Variants in NUP210 observed in about 807,000 individuals in gnomAD.
NUP210 encodes the protein nucleoporin 210.
NUP210 carries 151 observed loss-of-function variants against 196.0 expected under a neutral mutation model. The ratio of observed to expected loss-of-function variants is 0.77; its 90% CI spans 0.67 to 0.88. NUP210 has a LOEUF of 0.88. NUP210 is among the 40% of genes least tolerant of loss of function. The pLI is 0.00. For missense variants in NUP210, 2,314 were observed against 2,493.7 expected (o/e 0.93, Z 1.53); for synonymous variants, 1,070 against 1,052.7 (o/e 1.02, Z -0.32).
chr3:13,326,177 A>G (rs1469788758), intron 32 of NUP210, among the ~76,000 whole-genome samples: 1 of 152,222 alleles, frequency 6.6e-6, no homozygotes, highest in Non-Finnish European at 1.5e-5. Context: ...TGTGGCCCCT[A>G]GCACCTGCTC....
chr3:13,420,148 T>A lies in NUP210; in HGVS notation c.79A>T (p.Lys27Ter). ...AGCAGCACTTTGGGGATGTTGAGCT[T>A]GGCCGCAGCGGCGGAGGGGCCCGCC... Reference protein sequence around the residue: ...LAAGPSAAAAKLNIPKVLLPF... With the variant: ...LAAGPSAAAA The change falls in exon 1 of 40, where the codon AAG (lysine) becomes TAG (stop). Residue 27 changes from lysine (K) to a stop codon, truncating the protein, a stop_gained. Coordinates refer to ENST00000254508, the MANE Select transcript of NUP210 (RefSeq NM_024923.4). LOFTEE classifies it high-confidence loss of function. This position sits in a 1 kb window ranked among gnomAD's most constrained non-coding sequence, Gnocchi z 4.8. The A allele has an allele frequency of 7.6e-7, 1 of 1,315,950 alleles. No homozygotes were observed. Among genetic ancestry groups the A allele is most frequent in the Non-Finnish European group, 9.9e-7 (1 of 1,013,312 alleles). The allele number at this position is 1,315,950 out of a possible 1,614,324, so 81.5% of individuals were successfully genotyped here. A position where few individuals can be genotyped will look rare whatever the true frequency, so the allele number is the denominator to read the frequency against.
At chr3:13,397,605 C>T in intron 2 of NUP210, 117 bp from the exon 3 acceptor site, 2 of 1,144,288 alleles carry the variant, frequency 1.7e-6, no homozygotes, top group Non-Finnish European at 2.3e-6. Context: ...GCTTCACCCT[C>T]AGAAGCCAAG....
chr3:13,378,848 TTTTTTAAACTC>T, intron 8 of NUP210, 53 bp downstream of exon 8: 1 of 1,226,182 alleles, frequency 8.2e-7, no homozygotes, highest in Admixed American at 1.7e-5. Flanking sequence ...TTCTTTTCTA[TTTTTTAAACTC>T]ATATAGTCAC....
At chr3:13,365,846 G>A in intron 14 of NUP210, 100 bp downstream of exon 14, 1 of 1,296,650 alleles carries the variant, frequency 7.7e-7, no homozygotes. Context: ...CTATTTTGAA[G>A]GAATCGGGTT....
At position 13,375,574 on chromosome 3, in the gene NUP210, A is replaced by C. The variant is rs1698873283; in HGVS notation, c.1361T>G (p.Ile454Ser). 6.2e-7 allele frequency: 1 copy of C among 1,614,128 alleles called. No individual in the cohort carries two copies. Among genetic ancestry groups the C allele is most frequent in the East Asian group, 2.2e-5 (1 of 44,884 alleles). Residue 454 changes from isoleucine to serine, a missense_variant, in exon 11 of 40, where the codon ATC (isoleucine) becomes AGC (serine). Transcript: ENST00000254508. ...TGTCAAGATGCTGGGATACAGGGTG[A>C]TCGGGATGTGAATTTCCACCTCCTG... Reference protein sequence around the residue: ...NQQEVEIHIPITLYPSILTFP... With the variant: ...NQQEVEIHIPSTLYPSILTFP...
chr3:13,322,089 T>C, intron 35 of NUP210, 104 bp downstream of exon 35: 1 of 1,412,230 alleles, frequency 7.1e-7, no homozygotes, highest in East Asian at 2.3e-5. Context: ...ATCTCTGCCC[T>C]CTGGACAGAC....
chr3:13,386,941 T>C (rs552443672), intron 5 of NUP210, among the ~76,000 whole-genome samples: 58 of 152,318 alleles, frequency 3.8e-4, no homozygotes, highest in Middle Eastern at 3.4e-3. Flanking sequence ...GGGAGAAAGA[T>C]CACTAGGTGC....
At chr3:13,343,342 G>GC in intron 20 of NUP210, 39 bp from the exon 21 acceptor site, 33 of 655,978 alleles carry the variant, frequency 5.0e-5, no homozygotes, top group Non-Finnish European at 7.0e-5. Flanking sequence ...TGGGTGGTGG[G>GC]TTACGCAGCT....
chr3:13,330,699 G>T, intron 29 of NUP210, 65 bp from the exon 30 acceptor site: 1 of 1,460,194 alleles, frequency 6.8e-7, no homozygotes, highest in Non-Finnish European at 9.5e-7. Context: ...TGGATACAAT[G>T]CCAGGAGATC....
intron 34 of NUP210, 151 bp from the exon 35 acceptor site, chr3:13,322,490 T>C (rs1338374798): frequency 1.4e-5 from 11 of 767,056 alleles, no homozygotes; most frequent in African/African-American, 3.5e-5. Context: ...AGCTTTGAGA[T>C]GCAGCCAGGA....
intron 6 of NUP210, among the ~76,000 whole-genome samples, chr3:13,385,202 CT>C (rs1164308788): frequency 6.6e-6 from 1 of 152,200 alleles, no homozygotes; most frequent in African/African-American, 2.4e-5. Context: ...AATGCAGCAC[CT>C]CCCATCAACT....
Position 13,327,359 on chromosome 3 carries a change from C to A in NUP210, c.4365G>T (p.Leu1455=). ...GGTGCTCTGCGTCCCACACACGGAG[C>A]AGTGTCAGGCCCACGCTGACTGTGC... The part of the protein sequence containing the change: ...VVRTVSVGLT[L]LRVWDAEHPG... The change falls in exon 32 of 40, where the codon CTG becomes CTT. Residue 1455 remains leucine (L), a synonymous_variant. Transcript: ENST00000254508. 6.2e-7 allele frequency: 1 copy of A among 1,613,486 alleles called. No homozygotes were observed. Among genetic ancestry groups the A allele is most frequent in the Non-Finnish European group, 8.5e-7 (1 of 1,180,010 alleles).
chr3:13,344,044 GTTTAT>G (rs906238646), intron 20 of NUP210, among the ~76,000 whole-genome samples: 1 of 152,122 alleles, frequency 6.6e-6, no homozygotes, highest in African/African-American at 2.4e-5. Flanking sequence ...TTTAACATTT[GTTTAT>G]TTTATTTATT....
Position 13,363,748 on chromosome 3 carries a change from T to C in NUP210, c.1932+2198A>G, listed in dbSNP as rs554388629. On this transcript the variant is annotated intron_variant, in intron 14 of 39. Transcript: ENST00000254508. ...GACAGATGAAAGGAGAAGAGATCCA[T>C]ATCCACTTTTCTCTATAATCTGTCC... is the stretch of plus-strand genomic sequence containing the variant. 3.9e-5 allele frequency among the ~76,000 whole-genome samples: 6 copies of C among 152,340 alleles called. No homozygotes were observed. The South Asian group carries it at 1.2e-3, about 32-fold the overall frequency.
chr3:13,341,531 C>G (rs1697493041), intron 23 of NUP210, among the ~76,000 whole-genome samples: 2 of 152,214 alleles, frequency 1.3e-5, no homozygotes, highest in East Asian at 3.8e-4. Context: ...GAGGAAAGGT[C>G]AAGTCACTTG....
At chr3:13,369,763 G>T (rs1461186467) in intron 13 of NUP210, among the ~76,000 whole-genome samples, 1 of 152,224 alleles carries the variant, frequency 6.6e-6, no homozygotes, top group African/African-American at 2.4e-5. Context: ...ATTCTATTCT[G>T]TAAGTCTGTC....
chr3:13,318,361 G>T (rs1431783214), intron 39 of NUP210, among the ~76,000 whole-genome samples: 1 of 152,182 alleles, frequency 6.6e-6, no homozygotes, highest in African/African-American at 2.4e-5. Context: ...ACAAGGGCGT[G>T]TGGGCTCTCC....
intron 36 of NUP210, among the ~76,000 whole-genome samples, chr3:13,321,087 A>G (rs1696509266): frequency 6.6e-6 from 1 of 152,248 alleles, no homozygotes; most frequent in Admixed American, 6.5e-5. Flanking sequence ...GGAAATGCCG[A>G]GGAACTCCTT....
At chr3:13,338,641 G>A (rs374149661) in intron 25 of NUP210, among the ~76,000 whole-genome samples, 1 of 152,342 alleles carries the variant, frequency 6.6e-6, no homozygotes, top group Admixed American at 6.5e-5. Context: ...TGCTGGTTGT[G>A]TGCTCTGGAT....
Sources: allele counts gnomAD v4.1 joint callset (sites outside exome capture counted in the v4.1 genomes callset), GRCh38; gene constraint gnomAD v4.1.1; non-coding constraint Gnocchi (gnomAD v3.1); transcripts MANE v1.5; gene names NCBI Gene and HGNC (gene_info 2026-07-23, HGNC 2026-07-21).